SNTG1: variants seen among roughly 807,000 people sequenced by gnomAD.
The protein encoded by SNTG1 is gamma-1-syntrophin.
A neutral mutation model predicts 74.7 loss-of-function variants in SNTG1; 39 were observed. That is an observed-to-expected ratio of 0.52 (90% CI 0.40 to 0.68). SNTG1 has a LOEUF of 0.68. Ranked by LOEUF, SNTG1 falls within the 30% of genes least tolerant of loss-of-function variation. SNTG1 has a pLI of 0.00. For synonymous variants in SNTG1, 254 were observed against 217.1 expected (o/e 1.17, Z -1.49); for missense variants, 685 against 609.5 (o/e 1.12, Z -1.30).
chr8:50,671,970 C>T (rs895275120), intron 15 of SNTG1, among the ~76,000 whole-genome samples: 1 of 143,234 alleles, frequency 7.0e-6, no homozygotes, highest in Admixed American at 7.6e-5. Context: ...CACATGTTCT[C>T]ACTCACAGAT....
At chr8:50,378,997 CT>C (rs969437589) in intron 2 of SNTG1, among the ~76,000 whole-genome samples, 3 of 152,150 alleles carry the variant, frequency 2.0e-5, no homozygotes, top group African/African-American at 4.8e-5. Flanking sequence ...TTACCAGGGT[CT>C]TGCCCCCTTT....
At chr8:50,649,323 C>A (rs896965756) in intron 13 of SNTG1, among the ~76,000 whole-genome samples, 2 of 151,974 alleles carry the variant, frequency 1.3e-5, no homozygotes, top group Admixed American at 6.6e-5. Context: ...CATGGTGAAA[C>A]CCCCTCTCTA....
intron 12 of SNTG1, among the ~76,000 whole-genome samples, chr8:50,590,496 G>T (rs1454045092): frequency 6.6e-6 from 1 of 152,002 alleles, no homozygotes; most frequent in African/African-American, 2.4e-5. Context: ...GCGCTTCCCT[G>T]TTCTCTTGAG....
chr8:50,111,642 T>C (rs1586322927), intron 1 of SNTG1, among the ~76,000 whole-genome samples: 1 of 152,108 alleles, frequency 6.6e-6, no homozygotes, highest in Non-Finnish European at 1.5e-5. Flanking sequence ...AATATACCCC[T>C]CCATTAAAAC....
intron 1 of SNTG1, among the ~76,000 whole-genome samples, chr8:50,143,618 G>C (rs2131483443): frequency 6.6e-6 from 1 of 152,286 alleles, no homozygotes; most frequent in Non-Finnish European, 1.5e-5. Flanking sequence ...CATTTGCTCA[G>C]ATGCAAGTTT....
intron 2 of SNTG1, among the ~76,000 whole-genome samples, chr8:50,244,969 G>T (rs1250439284): frequency 6.6e-6 from 1 of 152,140 alleles, no homozygotes. Flanking sequence ...TATGATTCAT[G>T]TTAATATAAG....
intron 1 of SNTG1, among the ~76,000 whole-genome samples, chr8:50,105,622 T>G (rs2080341425): frequency 6.6e-6 from 1 of 152,114 alleles, no homozygotes; most frequent in Non-Finnish European, 1.5e-5. Flanking sequence ...AATTGCTTTG[T>G]GCAGTATGGC....
chr8:50,066,544 T>TC (rs1181529762), intron 1 of SNTG1, among the ~76,000 whole-genome samples: 1 of 152,028 alleles, frequency 6.6e-6, no homozygotes, highest in East Asian at 1.9e-4. Flanking sequence ...TTTCCTTTTC[T>TC]CCCCCCTCCA....
intron 1 of SNTG1, among the ~76,000 whole-genome samples, chr8:50,076,564 AAT>A (rs1821914231): frequency 6.6e-6 from 1 of 152,156 alleles, no homozygotes; most frequent in East Asian, 1.9e-4. Flanking sequence ...GATAGAAGCT[AAT>A]ATATATTTAG....
At chr8:50,315,088 G>T (rs1249920473) in intron 2 of SNTG1, among the ~76,000 whole-genome samples, 1 of 149,556 alleles carries the variant, frequency 6.7e-6, no homozygotes, top group African/African-American at 2.5e-5. Flanking sequence ...TTTAAAAAAT[G>T]AATTTAAAAA....
At chr8:50,173,307 A>C (rs2082876425) in intron 2 of SNTG1, among the ~76,000 whole-genome samples, 1 of 152,188 alleles carries the variant, frequency 6.6e-6, no homozygotes, top group Non-Finnish European at 1.5e-5. Flanking sequence ...GAACGTGGCT[A>C]GAAAAGGTTA....
intron 12 of SNTG1, among the ~76,000 whole-genome samples, chr8:50,589,545 G>A (rs2094678102): frequency 6.6e-6 from 1 of 150,442 alleles, no homozygotes; most frequent in Non-Finnish European, 1.5e-5. Flanking sequence ...TTTCATAGCT[G>A]ATCTTCAAGT....
At chr8:50,609,630 C>A (rs1432515376) in intron 13 of SNTG1, among the ~76,000 whole-genome samples, 3 of 151,986 alleles carry the variant, frequency 2.0e-5, no homozygotes. Context: ...TCTCCCTCTT[C>A]TCTCTCCTTT....
chr8:50,615,471 A>G (rs777983123), intron 13 of SNTG1, among the ~76,000 whole-genome samples: 1 of 152,218 alleles, frequency 6.6e-6, no homozygotes, highest in Non-Finnish European at 1.5e-5. Flanking sequence ...TTGAAAAAGC[A>G]GGATGAGGAG....
At chr8:50,008,593 A>G (rs1815474609) in intron 1 of SNTG1, among the ~76,000 whole-genome samples, 1 of 152,188 alleles carries the variant, frequency 6.6e-6, no homozygotes, top group African/African-American at 2.4e-5. Context: ...TGATAGATGT[A>G]TGATGGATAG....
At chr8:50,670,294 C>G (rs2131338989) in intron 15 of SNTG1, among the ~76,000 whole-genome samples, 1 of 152,092 alleles carries the variant, frequency 6.6e-6, no homozygotes, top group East Asian at 1.9e-4. Context: ...TAGAAAACCC[C>G]ATTGTCTCAG....
chr8:49,925,909 G>T (rs1445360642), intron 1 of SNTG1, among the ~76,000 whole-genome samples: 2 of 152,150 alleles, frequency 1.3e-5, no homozygotes, highest in Non-Finnish European at 1.5e-5. Flanking sequence ...ACAAGTAATT[G>T]TTATTCAGTA....
intron 1 of SNTG1, among the ~76,000 whole-genome samples, chr8:50,000,596 A>G (rs1251201033): frequency 1.3e-5 from 2 of 152,238 alleles, no homozygotes; most frequent in African/African-American, 4.8e-5. Context: ...CCTGTAGTGC[A>G]AATATCACAG....
rs147075699 is a variant in SNTG1, at chr8:50,722,448, T to C, written c.1284+13470T>C. Among the ~76,000 whole-genome samples the C allele has an allele frequency of 2.6e-3, 403 of 152,154 alleles. 2 individuals carry two copies. Among genetic ancestry groups the C allele is most frequent in the African/African-American group, 9.2e-3 (381 of 41,518 alleles). On this transcript the variant is annotated intron_variant, in intron 17 of 18. Transcript: ENST00000642720. ...ACCTCAGCCTCCCAGTGTGCTGGGA[T>C]TACAGGCGTGAACCACCACACCTGG...
Sources: gnomAD v4.1 joint callset for allele counts (sites outside exome capture counted in the v4.1 genomes callset) on GRCh38, gnomAD v4.1.1 for gene constraint, MANE v1.5 for transcripts, NCBI Gene and HGNC (gene_info 2026-07-23, HGNC 2026-07-21) for gene names.